The following PRPSAP2 variants were observed in gnomAD, a reference collection of about 807,000 sequenced individuals.
PRPSAP2 encodes phosphoribosyl pyrophosphate synthase-associated protein 2.
PRPSAP2 carries 24 observed loss-of-function variants against 40.6 expected under a neutral mutation model. That is an observed-to-expected ratio of 0.59 (90% CI 0.43 to 0.83). The LOEUF is 0.83. Among genes scored for constraint, PRPSAP2 ranks in the 40% least tolerant of loss-of-function variants. The probability of loss-of-function intolerance (pLI) is 0.00; values close to 1 mark genes in which losing one functional copy is unlikely to be tolerated. For synonymous variants in PRPSAP2, 149 were observed against 164.7 expected (o/e 0.90, Z 0.73); for missense variants, 292 against 465.6 (o/e 0.63, Z 3.43).
chr17:18,908,781 G>T, intron 8 of PRPSAP2: 2 of 695,622 alleles, frequency 2.9e-6, no homozygotes, highest in South Asian at 2.9e-5. Flanking sequence ...GGGCAAAAAC[G>T]ATCATGCCAA....
intron 8 of PRPSAP2, among the ~76,000 whole-genome samples, chr17:18,892,720 TGTG>T (rs1567708991): frequency 2.0e-5 from 2 of 99,248 alleles, no homozygotes; most frequent in South Asian, 2.7e-4. Flanking sequence ...TGTGTGTGTG[TGTG>T]TGTGTATTTA....
intron 9 of PRPSAP2, 134 bp from the exon 10 acceptor site, chr17:18,923,780 C>A: frequency 1.2e-6 from 1 of 804,102 alleles, no homozygotes; most frequent in South Asian, 2.1e-5. Context: ...TTGTAGTTGC[C>A]CTTAATCAGA....
chr17:18,883,656 G>C (rs1014364616), intron 7 of PRPSAP2, among the ~76,000 whole-genome samples: 1 of 152,056 alleles, frequency 6.6e-6, no homozygotes. Flanking sequence ...AAAGTGCTGG[G>C]ATTACAGGCA....
At chr17:18,897,506 G>A (rs2039983450) in intron 8 of PRPSAP2, among the ~76,000 whole-genome samples, 1 of 148,826 alleles carries the variant, frequency 6.7e-6, no homozygotes, top group African/African-American at 2.6e-5. Context: ...TTGTCACTTA[G>A]GCTGGAGTGC....
intron 4 of PRPSAP2, among the ~76,000 whole-genome samples, chr17:18,867,586 CAT>C (rs1190075252): frequency 2.0e-5 from 3 of 152,294 alleles, no homozygotes; most frequent in South Asian, 2.1e-4. Context: ...AAGCTGCAGA[CAT>C]ATTTGAACCA....
At chr17:18,919,133 A>G (rs1050841674) in intron 9 of PRPSAP2, among the ~76,000 whole-genome samples, 1 of 152,180 alleles carries the variant, frequency 6.6e-6, no homozygotes, top group Non-Finnish European at 1.5e-5. Context: ...TGGAAGGCTA[A>G]GGTGGAAGGT....
At chr17:18,884,618 G>A (rs9915346) in intron 7 of PRPSAP2, among the ~76,000 whole-genome samples, 52,322 of 152,066 alleles carry the variant, frequency 0.34, 9,231 homozygotes, top group Non-Finnish European at 0.39. Context: ...GTGATTACAG[G>A]TGTGAGCCAC....
intron 5 of PRPSAP2, among the ~76,000 whole-genome samples, chr17:18,877,136 C>A (rs911785469): frequency 6.6e-6 from 1 of 152,112 alleles, no homozygotes; most frequent in Non-Finnish European, 1.5e-5. Context: ...GCCAAGTGAC[C>A]GTGGACATGG....
At chr17:18,893,920 C>T (rs2039745881) in intron 8 of PRPSAP2, among the ~76,000 whole-genome samples, 1 of 151,638 alleles carries the variant, frequency 6.6e-6, no homozygotes, top group African/African-American at 2.4e-5. Flanking sequence ...CCGGGCTGCA[C>T]AATCTTGGCT....
rs376881433 is a variant in PRPSAP2, at chr17:18,877,797, C to G, written c.339C>G (p.Tyr113Ter). The G allele has an allele frequency of 4.3e-6, 7 of 1,613,854 alleles. No homozygotes were observed. Among genetic ancestry groups the G allele is most frequent in the Non-Finnish European group, 4.2e-6 (5 of 1,179,790 alleles). Residue 113 changes from tyrosine to a stop codon, truncating the protein, a stop_gained, in exon 6 of 12, where the codon TAC (tyrosine) becomes TAG (stop). Coordinates refer to ENST00000268835, the MANE Select transcript of PRPSAP2 (RefSeq NM_002767.4). LOFTEE classifies it high-confidence loss of function. The stretch of plus-strand genomic sequence containing the variant: ...TTGGCGTGATACCCTACTTTCCTTA[C>G]AGCAAGCAGTGCAAGATGAGAAAAA... ...SIIGVIPYFP[Y>*]SKQCKMRKRG...
At chr17:18,864,820 T>G (rs2037312844) in intron 1 of PRPSAP2, 1 of 152,072 alleles carries the variant, frequency 6.6e-6, no homozygotes, top group Non-Finnish European at 1.5e-5. Flanking sequence ...AGCATCTCCA[T>G]TATGTGATGA....
At chr17:18,865,058 G>A (rs966143540) in intron 1 of PRPSAP2, 1 of 152,312 alleles carries the variant, frequency 6.6e-6, no homozygotes, top group Non-Finnish European at 1.5e-5. Context: ...TGTTGGCCAG[G>A]GTGGTCTTGA....
chr17:18,866,612 T>C (rs1437510546), intron 3 of PRPSAP2, among the ~76,000 whole-genome samples: 3 of 152,170 alleles, frequency 2.0e-5, no homozygotes, highest in African/African-American at 7.2e-5. Context: ...GCTTATAGTT[T>C]AGTATAATTT....
Position 18,923,978 on chromosome 17 carries a change from C to T in PRPSAP2, c.798C>T (p.Ile266=). 1.9e-6 allele frequency: 3 copies of T among 1,612,592 alleles called. No homozygotes were observed. Among genetic ancestry groups the T allele is most frequent in the Non-Finnish European group, 2.5e-6 (3 of 1,178,654 alleles). The change falls in exon 10 of 12, where the codon ATC becomes ATT. Residue 266 remains isoleucine, a synonymous_variant. Coordinates refer to ENST00000268835, the MANE Select transcript of PRPSAP2 (RefSeq NM_002767.4). ...GTGATGTTGGAGGAAGGATTGCCAT[C>T]ATCGTGGTATGTAGACCTCTTTTAT... ...VVGDVGGRIA[I]IVDDIIDDVD...
intron 7 of PRPSAP2, among the ~76,000 whole-genome samples, chr17:18,883,403 CTT>C (rs3043912): frequency 1.9e-4 from 25 of 134,180 alleles, no homozygotes; most frequent in Non-Finnish European, 1.4e-4. Context: ...GTTTTTCTTT[CTT>C]TTTTTTTTTT....
In PRPSAP2 at chr17:18,908,247, C is replaced by G. The variant is rs918889029; in HGVS notation, c.585-2856C>G. ...CGGGAGGCCTTGAAGCCAGTGACGACCCACTCAGCCGAGCTGCCGCTTTCG... is the reference window on the plus strand; with the variant it reads ...CGGGAGGCCTTGAAGCCAGTGACGAGCCACTCAGCCGAGCTGCCGCTTTCG... On this transcript the variant is annotated intron_variant, in intron 8 of 11. Coordinates refer to ENST00000268835, the MANE Select transcript of PRPSAP2 (RefSeq NM_002767.4). The G allele has an allele frequency of 2.1e-5, 16 of 748,430 alleles. No individual in the cohort carries two copies. In the Admixed American group the frequency reaches 3.0e-4, roughly 14 times the overall value. 46.4% of individuals were successfully genotyped at this position (748,430 alleles called of 1,614,324 possible). A position where few individuals can be genotyped will look rare whatever the true frequency, so the allele number is the denominator to read the frequency against.
At chr17:18,868,350 C>T (rs2037580780) in intron 4 of PRPSAP2, among the ~76,000 whole-genome samples, 1 of 151,970 alleles carries the variant, frequency 6.6e-6, no homozygotes, top group African/African-American at 2.4e-5. Context: ...TGGCAGGCGC[C>T]TATAATCCCA....
At chr17:18,882,030 G>A (rs982575757) in intron 6 of PRPSAP2, among the ~76,000 whole-genome samples, 7 of 150,344 alleles carry the variant, frequency 4.7e-5, no homozygotes, top group Admixed American at 4.7e-4. Context: ...TAGTAAAGAT[G>A]GGGTTTCATC....
chr17:18,896,643 C>T (rs77918906), intron 8 of PRPSAP2, among the ~76,000 whole-genome samples: 12,404 of 129,112 alleles, frequency 0.096, 615 homozygotes, highest in Middle Eastern at 0.17. Context: ...TCACTTCAGG[C>T]GGCTGCAGTG....
Sources: allele counts gnomAD v4.1 joint callset (sites outside exome capture counted in the v4.1 genomes callset), GRCh38; gene constraint gnomAD v4.1.1; transcripts MANE v1.5; gene names NCBI Gene and HGNC (gene_info 2026-07-23, HGNC 2026-07-21).